MYOM2: variants seen among roughly 807,000 people sequenced by gnomAD.
MYOM2 encodes myomesin 2.
A neutral mutation model predicts 187.6 loss-of-function variants in MYOM2; 254 were observed. That is an observed-to-expected ratio of 1.35 (90% CI 1.22 to 1.50). MYOM2 has a LOEUF of 1.50. Ranked by LOEUF, MYOM2 falls within the 40% of genes most tolerant of loss-of-function variation. The probability of loss-of-function intolerance (pLI) is 0.00; values close to 1 mark genes in which losing one functional copy is unlikely to be tolerated. For missense variants in MYOM2, 2,796 were observed against 1,924.0 expected (o/e 1.45, Z -8.48); for synonymous variants, 981 against 753.8 (o/e 1.30, Z -4.94).
chr8:2,061,134 TG>T (rs1818838400), intron 6 of MYOM2, among the ~76,000 whole-genome samples: 1 of 151,986 alleles, frequency 6.6e-6, no homozygotes, highest in Admixed American at 6.5e-5. Context: ...CCACCAAGCC[TG>T]GGGCCTGGTT....
At chr8:2,111,484 G>T (rs940029709) in intron 25 of MYOM2, among the ~76,000 whole-genome samples, 2 of 152,324 alleles carry the variant, frequency 1.3e-5, no homozygotes, top group South Asian at 4.1e-4. Flanking sequence ...GTTAAAGTAA[G>T]TTCCTATCAT....
intron 11 of MYOM2, among the ~76,000 whole-genome samples, chr8:2,077,323 CAAAA>C (rs1265057453): frequency 6.6e-6 from 1 of 151,506 alleles, no homozygotes; most frequent in Non-Finnish European, 1.5e-5. Context: ...AAAAACAAAA[CAAAA>C]CAAAAAACAA....
rs1819807457 is a variant in MYOM2, at chr8:2,085,506, CTCCGCGTGGCCCCCCACTGTT to C, written c.1644+117_1644+137del. 1.3e-3 allele frequency: 1,360 copies of C among 1,065,106 alleles called. 275 individuals are homozygous for C. Among genetic ancestry groups the C allele is most frequent in the Admixed American group, 2.1e-3 (77 of 36,740 alleles). 66.0% of individuals were successfully genotyped at this position (1,065,106 alleles called of 1,614,324 possible). A position where few individuals can be genotyped will look rare whatever the true frequency, so the allele number is the denominator to read the frequency against. ...CCGCGTGGCCCCTCACTGTTGTGATCTCCGCGTGGCCCCCCACTGTTGTGATCTCTGCGTGGCCCCACTGTC... is the reference window on the plus strand; with the variant it reads ...CCGCGTGGCCCCTCACTGTTGTGATCGTGATCTCTGCGTGGCCCCACTGTC... On this transcript the variant is annotated intron_variant, in intron 14 of 36. Transcript: ENST00000262113.
chr8:2,049,796 C>G (rs745932759), intron 1 of MYOM2, among the ~76,000 whole-genome samples: 1 of 152,158 alleles, frequency 6.6e-6, no homozygotes. Flanking sequence ...TGGCATTTTA[C>G]GTGTTTTGGG....
rs552850985 is a variant in MYOM2 at position 2,085,244 on chromosome 8, G to A, written c.1517-19G>A. ...TGATGGGGGTCCTTCAGCACTCACCGAATTTATTATTCCTCCAGGTGACGC... is the reference window on the plus strand; with the variant it reads ...TGATGGGGGTCCTTCAGCACTCACCAAATTTATTATTCCTCCAGGTGACGC... On this transcript the variant is annotated intron_variant, in intron 13 of 36. Transcript: ENST00000262113. The A allele has an allele frequency of 1.1e-5, 18 of 1,612,846 alleles. No individual in the cohort carries two copies. Among genetic ancestry groups the A allele is most frequent in the Admixed American group, 3.3e-5 (2 of 59,908 alleles).
At chr8:2,128,934 G>A (rs975096762) in intron 31 of MYOM2, among the ~76,000 whole-genome samples, 193 bp from the exon 32 acceptor site, 2 of 152,108 alleles carry the variant, frequency 1.3e-5, no homozygotes, top group Non-Finnish European at 2.9e-5. Context: ...TTCTAGCATG[G>A]TAAGAGCTTG....
chr8:2,132,940 A>T (rs61215032), intron 32 of MYOM2, among the ~76,000 whole-genome samples: 7 of 152,010 alleles, frequency 4.6e-5, no homozygotes, highest in Admixed American at 1.3e-4. Context: ...TGGGAGGGGC[A>T]GTGGCTGGCC....
rs1381221773 is a variant in MYOM2, at chr8:2,085,277, C to G, written c.1531C>G (p.Pro511Ala). The G allele has an allele frequency of 1.9e-6, 3 of 1,613,964 alleles. No individual in the cohort carries two copies. Among genetic ancestry groups the G allele is most frequent in the East Asian group, 4.5e-5 (2 of 44,882 alleles). ...QDDLEGDAQV[P>A]GPPTGVHASE... Reference sequence around the variant, plus strand: ...TATTCCTCCAGGTGACGCCCAGGTTCCAGGGCCTCCCACCGGTGTGCACGC... The same window carrying G: ...TATTCCTCCAGGTGACGCCCAGGTTGCAGGGCCTCCCACCGGTGTGCACGC... The change falls in exon 14 of 37, where the codon CCA (proline) becomes GCA (alanine). Residue 511 changes from proline to alanine, a missense_variant. By Grantham distance (27) the Pro-to-Ala change is conservative. Transcript: ENST00000262113.
chr8:2,069,189 T>G (rs1056849754), intron 6 of MYOM2, 89 bp from the exon 7 acceptor site: 2 of 1,265,798 alleles, frequency 1.6e-6, no homozygotes, highest in African/African-American at 3.0e-5. Context: ...GCCATGTGAT[T>G]TGCTTTCGAG....
intron 1 of MYOM2, among the ~76,000 whole-genome samples, chr8:2,049,744 C>G (rs1015129965): frequency 6.6e-6 from 1 of 152,234 alleles, no homozygotes; most frequent in Non-Finnish European, 1.5e-5. Context: ...GGAATACGGT[C>G]CCTACGTAAC....
At chr8:2,077,363 G>A (rs6980932) in intron 11 of MYOM2, among the ~76,000 whole-genome samples, 22,461 of 151,914 alleles carry the variant, frequency 0.15, 1,853 homozygotes, top group East Asian at 0.29. Context: ...AAACCACAAA[G>A]GATGGTTCCT....
chr8:2,116,352 A>G, intron 27 of MYOM2, 77 bp downstream of exon 27: 1 of 1,384,754 alleles, frequency 7.2e-7, no homozygotes, highest in Non-Finnish European at 1.0e-6. Flanking sequence ...TCAGAAGCAG[A>G]TCTTGCATGA....
In MYOM2 at chr8:2,115,814, G is replaced by A. The variant is rs938958900; in HGVS notation, c.3181-146G>A. On this transcript the variant is annotated intron_variant, in intron 25 of 36. Transcript: ENST00000262113. ...CCACTGTTTGATCCTTGTTCACCCAGAGGTTTCCTTGATAAAATTTCATTT... is the reference window on the plus strand; with the variant it reads ...CCACTGTTTGATCCTTGTTCACCCAAAGGTTTCCTTGATAAAATTTCATTT... 128 of 838,838 alleles carry A rather than the reference G, an allele frequency of 1.5e-4. 4 individuals carry two copies. The highest frequency in any genetic ancestry group is 6.4e-4 in the Middle Eastern group (2 of 3,118). The allele number at this position is 838,838 out of a possible 1,614,324, so 52.0% of individuals were successfully genotyped here.
intron 21 of MYOM2, among the ~76,000 whole-genome samples, chr8:2,105,657 C>G (rs1176015173): frequency 6.6e-6 from 1 of 152,026 alleles, no homozygotes; most frequent in Non-Finnish European, 1.5e-5. Flanking sequence ...CAGGGAAGGA[C>G]GTGTGCAGAA....
Position 2,143,833 on chromosome 8 carries a change from G to A in MYOM2, c.4080+377G>A, listed in dbSNP as rs577162088. On this transcript the variant is annotated intron_variant, in intron 36 of 36. Transcript: ENST00000262113. ...CCCTGACCTACCTGCGTGTGTGAAG[G>A]TGCAAGCCCCCTGCTTCCAGTGTGA... is the stretch of plus-strand genomic sequence containing the variant. Among the ~76,000 whole-genome samples, 44 of 152,244 alleles carry A rather than the reference G, an allele frequency of 2.9e-4. No homozygotes were observed. The South Asian group carries it at 8.7e-3, about 30-fold the overall frequency.
chr8:2,096,883 G>T (rs114969201), intron 18 of MYOM2, among the ~76,000 whole-genome samples: 1 of 152,150 alleles, frequency 6.6e-6, no homozygotes, highest in African/African-American at 2.4e-5. Context: ...AGGCCTCCCA[G>T]AGAGTCCCTT....
At chr8:2,051,316 G>A (rs548916087) in intron 2 of MYOM2, among the ~76,000 whole-genome samples, 60 of 152,228 alleles carry the variant, frequency 3.9e-4, no homozygotes, top group African/African-American at 1.3e-3. Context: ...TGGATGTGCC[G>A]AGATCAAGAA....
At chr8:2,099,042 C>G (rs1585903290) in intron 19 of MYOM2, 59 bp downstream of exon 19, 3 of 1,526,810 alleles carry the variant, frequency 2.0e-6, no homozygotes, top group East Asian at 2.4e-5. Flanking sequence ...GGGAAGGGGC[C>G]TCTGTGGCTG....
intron 32 of MYOM2, among the ~76,000 whole-genome samples, chr8:2,133,344 T>G (rs113503373): frequency 1.3e-5 from 2 of 152,014 alleles, no homozygotes; most frequent in African/African-American, 4.8e-5. Flanking sequence ...CTAGGTGGAG[T>G]TGACTTGAAT....
Sources: allele counts gnomAD v4.1 joint callset (sites outside exome capture counted in the v4.1 genomes callset), GRCh38; gene constraint gnomAD v4.1.1; transcripts MANE v1.5; gene names NCBI Gene and HGNC (gene_info 2026-07-23, HGNC 2026-07-21).